Variants in CEP41 observed in about 807,000 individuals in gnomAD.
The protein encoded by CEP41 is centrosomal protein 41, also known as centrosomal protein of 41 kDa.
Under a neutral mutation model 44.3 loss-of-function variants are expected in CEP41, and 32 were observed. The observed-to-expected ratio is 0.72, with a 90% CI of 0.54 to 0.97. The LOEUF (loss-of-function observed/expected upper bound fraction) is 0.97. Ranked by LOEUF, CEP41 falls within the 50% of genes least tolerant of loss-of-function variation. CEP41 has a pLI of 0.00. For synonymous variants in CEP41, 151 were observed against 168.5 expected, an observed-to-expected ratio of 0.90 and a Z score of 0.80; for missense variants, 432 against 455.2, an observed-to-expected ratio of 0.95 and a Z score of 0.46.
rs1797177476 is a variant in CEP41, at chr7:130,411,332, T to C, written c.208-141A>G. On this transcript the variant is annotated intron_variant, in intron 4 of 10. Transcript: ENST00000223208. ...GCTGTCAGTGTCCTCAACTGAACGC[T>C]GAATCTCAGGCCTCCTTCCTTTTGT... 8.3e-6 allele frequency: 6 copies of C among 720,534 alleles called. No homozygotes were observed. The South Asian group carries it at 8.9e-5, about 11-fold the overall frequency. 44.6% of individuals were successfully genotyped at this position (720,534 alleles called of 1,614,324 possible).
chr7:130,403,765 G>A (rs186043623), intron 6 of CEP41, among the ~76,000 whole-genome samples: 169 of 152,288 alleles, frequency 1.1e-3, no homozygotes, highest in African/African-American at 3.8e-3. Flanking sequence ...ACATCTGTTT[G>A]ATAAGAAACT....
At chr7:130,437,261 GGAGA>G (rs1474855333) in intron 1 of CEP41, among the ~76,000 whole-genome samples, 3 of 151,786 alleles carry the variant, frequency 2.0e-5, no homozygotes, top group African/African-American at 2.4e-5. Context: ...GGAGAAAATA[GGAGA>G]GAGAAAGTTA....
At chr7:130,426,155 C>T (rs1248852737) in intron 2 of CEP41, among the ~76,000 whole-genome samples, 1 of 151,932 alleles carries the variant, frequency 6.6e-6, no homozygotes, top group East Asian at 1.9e-4. Context: ...CTGGGTAAAG[C>T]GTACATGGAA....
At chr7:130,404,958 C>T (rs1289649459) in intron 5 of CEP41, among the ~76,000 whole-genome samples, 2 of 152,166 alleles carry the variant, frequency 1.3e-5, no homozygotes, top group African/African-American at 2.4e-5. Flanking sequence ...TATATTTGCA[C>T]TGATGGTACA....
At chr7:130,433,329 GAAA>G in intron 1 of CEP41, among the ~76,000 whole-genome samples, 1 of 133,796 alleles carries the variant, frequency 7.5e-6, no homozygotes, top group African/African-American at 2.8e-5. Flanking sequence ...ATTTTGTTTT[GAAA>G]AAAAAAAAAA....
chr7:130,437,562 G>A (rs748661788), intron 1 of CEP41, among the ~76,000 whole-genome samples: 17 of 150,916 alleles, frequency 1.1e-4, no homozygotes, highest in African/African-American at 3.9e-4. Flanking sequence ...CTTGAGCCCA[G>A]GAGTTCAAGA....
At chr7:130,404,533 T>G in intron 6 of CEP41, 31 bp downstream of exon 6, 1 of 1,602,170 alleles carries the variant, frequency 6.2e-7, no homozygotes, top group South Asian at 1.1e-5. Flanking sequence ...AAAGGCAAAA[T>G]GCAGTGAAAA....
chr7:130,394,424 A>G lies in CEP41; in HGVS notation c.*4467T>C, dbSNP rs1554413701. On this transcript the variant is annotated 3_prime_UTR_variant, in exon 11 of 11. Transcript: ENST00000223208. Reference sequence around the variant, plus strand: ...AAGCTCTCCACAAACATTGGCTAGTATTATTATTTTCTGGAAATCTTCAAG... The same window carrying G: ...AAGCTCTCCACAAACATTGGCTAGTGTTATTATTTTCTGGAAATCTTCAAG... 1.8e-5 allele frequency: 8 copies of G among 454,134 alleles called. No individual in the cohort carries two copies. Among genetic ancestry groups the G allele is most frequent in the South Asian group, 1.2e-4 (8 of 64,480 alleles). 28.1% of individuals were successfully genotyped at this position (454,134 alleles called of 1,614,324 possible).
At chr7:130,413,599 A>AT (rs1197345888) in intron 3 of CEP41, among the ~76,000 whole-genome samples, 1 of 151,606 alleles carries the variant, frequency 6.6e-6, no homozygotes. Flanking sequence ...ACAAAAAAAA[A>AT]ACTTAAAACA....
chr7:130,419,391 C>T (rs1485527309), intron 2 of CEP41: 32 of 985,194 alleles, frequency 3.2e-5, no homozygotes, highest in Non-Finnish European at 2.4e-6. Context: ...GCATTTTTAT[C>T]CCACTGTGTA....
Position 130,394,846 on chromosome 7 carries a change from A to G in CEP41, c.*4045T>C, listed in dbSNP as rs1796614261. 2 of 454,010 alleles carry G rather than the reference A, an allele frequency of 4.4e-6. No individual in the cohort carries two copies. The highest frequency in any genetic ancestry group is 8.8e-6 in the Non-Finnish European group (2 of 226,806). 28.1% of individuals were successfully genotyped at this position (454,010 alleles called of 1,614,324 possible). A position where few individuals can be genotyped will look rare whatever the true frequency, so the allele number is the denominator to read the frequency against. On this transcript the variant is annotated 3_prime_UTR_variant, in exon 11 of 11. Transcript: ENST00000223208. Reference sequence around the variant, plus strand: ...TTATAGTCAAAATAATTGCAACAGGAAGACATATTGATATCCTTTAAAAGA... The same window carrying G: ...TTATAGTCAAAATAATTGCAACAGGGAGACATATTGATATCCTTTAAAAGA...
chr7:130,440,925 GGCCCTCACCTCA>G lies in CEP41; in HGVS notation c.30_33+8del. The G allele has an allele frequency of 1.2e-6, 2 of 1,611,714 alleles. No individual in the cohort carries two copies. The highest frequency in any genetic ancestry group is 1.7e-6 in the Non-Finnish European group (2 of 1,179,974). Reference sequence around the variant, plus strand: ...CCCTCCGGCTCTCCGGCCGAGACCTGGCCCTCACCTCAGGGTTCCCAATGTGCCTCCGGAGGG... The same window carrying G: ...CCCTCCGGCTCTCCGGCCGAGACCTGGGGTTCCCAATGTGCCTCCGGAGGG... On this transcript the variant is annotated splice_donor_variant and splice_donor_5th_base_variant and coding_sequence_variant and intron_variant, in exon 1 of 11. Transcript: ENST00000223208. LOFTEE classifies it high-confidence loss of function.
intron 2 of CEP41, among the ~76,000 whole-genome samples, chr7:130,425,623 C>T (rs994884734): frequency 2.6e-5 from 4 of 152,190 alleles, no homozygotes; most frequent in Non-Finnish European, 2.9e-5. Context: ...TGGGCAACTA[C>T]ATTGTGACCA....
chr7:130,400,294 G>A, intron 9 of CEP41, 40 bp from the exon 10 acceptor site: 1 of 1,407,452 alleles, frequency 7.1e-7, no homozygotes, highest in African/African-American at 1.4e-5. Context: ...GCATTAATAT[G>A]GCAAGGCCAG....
At chr7:130,431,739 T>C (rs929269991) in intron 1 of CEP41, among the ~76,000 whole-genome samples, 1 of 151,950 alleles carries the variant, frequency 6.6e-6, no homozygotes, top group African/African-American at 2.4e-5. Context: ...TTTTCAGCAA[T>C]CTAACAGTAA....
intron 2 of CEP41, chr7:130,418,928 T>C (rs1272935880): frequency 5.7e-5 from 9 of 156,760 alleles, no homozygotes; most frequent in African/African-American, 2.2e-4. Context: ...ATTGAAACAC[T>C]GCATTTCCAA....
In CEP41 at chr7:130,398,935, G is replaced by C. The variant is rs371812716; in HGVS notation, c.1078C>G (p.Arg360Gly). The C allele has an allele frequency of 6.2e-7, 1 of 1,614,220 alleles. No homozygotes were observed. Among genetic ancestry groups the C allele is most frequent in the Non-Finnish European group, 8.5e-7 (1 of 1,180,042 alleles). Residue 360 changes from arginine to glycine, a missense_variant, in exon 11 of 11, where the codon CGC becomes GGC. By Grantham distance (125) the Arg-to-Gly change is moderately radical. Transcript: ENST00000223208. Reference protein sequence around the residue: ...GGGPASHSNPRSLSSGHLQGK... With the variant: ...GGGPASHSNPGSLSSGHLQGK... ...TGCAGGTGACCACTGCTGAGGGAGC[G>C]GGGGTTTGAGTGGCTGGCGGGGCCG... is the stretch of plus-strand genomic sequence containing the variant.
chr7:130,428,914 AAAATAAAT>A (rs576364646), intron 1 of CEP41, among the ~76,000 whole-genome samples: 14 of 150,652 alleles, frequency 9.3e-5, no homozygotes, highest in African/African-American at 2.2e-4. Flanking sequence ...CTGTCTCAAA[AAAATAAAT>A]AAATAAATAA....
chr7:130,441,731 A>T (rs1406177335), upstream of CEP41, among the ~76,000 whole-genome samples: 1 of 152,090 alleles, frequency 6.6e-6, no homozygotes, highest in Non-Finnish European at 1.5e-5. Context: ...CGTCATGGAA[A>T]CCATTGTGAC....
Sources: gnomAD v4.1 joint callset for allele counts (sites outside exome capture counted in the v4.1 genomes callset) on GRCh38, gnomAD v4.1.1 for gene constraint, MANE v1.5 for transcripts, NCBI Gene and HGNC (gene_info 2026-07-23, HGNC 2026-07-21) for gene names.